Variants in CES5A observed in about 807,000 individuals in gnomAD.
CES5A encodes the protein carboxylesterase 5A.
A neutral mutation model predicts 62.9 loss-of-function variants in CES5A; 67 were observed. The observed-to-expected ratio is 1.07, with a 90% CI of 0.88 to 1.31. The LOEUF is 1.31. Among genes scored for constraint, CES5A ranks in the 50% most tolerant of loss-of-function variants. The pLI is 0.00. For missense variants in CES5A, 748 were observed against 708.5 expected, an observed-to-expected ratio of 1.06 and a Z score of -0.63; for synonymous variants, 296 against 280.8, an observed-to-expected ratio of 1.05 and a Z score of -0.54.
At chr16:55,899,897 T>C (rs190795097) in intron 1 of CES5A, among the ~76,000 whole-genome samples, 6 of 152,308 alleles carry the variant, frequency 3.9e-5, no homozygotes, top group Non-Finnish European at 1.5e-5. Context: ...AAACACCCAG[T>C]GATTTCCCAT....
At chr16:55,875,080 T>A in intron 1 of CES5A, 69 bp downstream of exon 1, 1 of 1,467,046 alleles carries the variant, frequency 6.8e-7, no homozygotes, top group Non-Finnish European at 9.6e-7. Context: ...AATAACTTCA[T>A]TTCTACCAGT....
chr16:55,904,290 T>A (rs566944379), intron 1 of CES5A, among the ~76,000 whole-genome samples: 2 of 152,364 alleles, frequency 1.3e-5, no homozygotes, highest in African/African-American at 4.8e-5. Flanking sequence ...AAATGAAATA[T>A]AATTGTGCTT....
At position 55,870,756 on chromosome 16, in the gene CES5A, TA is replaced by T. The variant is rs2033566635; in HGVS notation, c.417+868del. On this transcript the variant is annotated intron_variant, in intron 3 of 12. Coordinates refer to ENST00000290567, the MANE Select transcript of CES5A (RefSeq NM_001143685.2). ...TTAGAAAAATTGGGATCAGGGAACA[TA>T]AAACATTCAAATGGCATTATCTTTA... Among the ~76,000 whole-genome samples, 4 of 152,018 alleles carry T rather than the reference TA, an allele frequency of 2.6e-5. No individual in the cohort carries two copies. In the South Asian group the frequency reaches 8.3e-4, roughly 32 times the overall value.
At chr16:55,927,204 G>C (rs796171028), upstream of CES5A, among the ~76,000 whole-genome samples, 5 of 152,212 alleles carry the variant, frequency 3.3e-5, no homozygotes, top group African/African-American at 1.2e-4. Flanking sequence ...CATTGACCCA[G>C]GCAAAGAATT....
intron 1 of CES5A, among the ~76,000 whole-genome samples, chr16:55,920,021 C>T (rs75285469): frequency 0.019 from 2,860 of 152,286 alleles, 93 homozygotes; most frequent in African/African-American, 0.064. Context: ...GTTTCACATA[C>T]TTCCACCACC....
chr16:55,932,261 C>A lies in CES5A; in HGVS notation c.160+17524G>T, dbSNP rs146293487. On this transcript the variant is annotated intron_variant, in intron 2 of 13. Coordinates refer to the CES5A transcript ENST00000521992. Reference sequence around the variant, plus strand: ...GAGAGTCTCCACCAGCAAGAAGGCCCTCACCAGATGCAACCCCTTGATTTT... The same window carrying A: ...GAGAGTCTCCACCAGCAAGAAGGCCATCACCAGATGCAACCCCTTGATTTT... Among the ~76,000 whole-genome samples, 370 of 152,272 alleles carry A rather than the reference C, an allele frequency of 2.4e-3. 2 individuals are homozygous for A. Among genetic ancestry groups the A allele is most frequent in the African/African-American group, 8.3e-3 (344 of 41,548 alleles).
At chr16:55,864,747 T>C (rs1361803463) in intron 5 of CES5A, among the ~76,000 whole-genome samples, 1 of 150,810 alleles carries the variant, frequency 6.6e-6, no homozygotes, top group Admixed American at 6.6e-5. Flanking sequence ...TTTTAAAAAA[T>C]AAAAAAAAAG....
chr16:55,941,474 A>G (rs551960464), intron 2 of CES5A, among the ~76,000 whole-genome samples: 2 of 152,246 alleles, frequency 1.3e-5, no homozygotes, highest in African/African-American at 4.8e-5. Context: ...GAAGACCTCA[A>G]TAAATGGAAA....
At chr16:55,848,816 A>G (rs2033069930) in intron 11 of CES5A, among the ~76,000 whole-genome samples, 1 of 152,242 alleles carries the variant, frequency 6.6e-6, no homozygotes, top group Non-Finnish European at 1.5e-5. Context: ...GAGAAATAAC[A>G]GTGACGTTTA....
chr16:55,946,028 T>C (rs1192222979), intron 2 of CES5A, among the ~76,000 whole-genome samples: 1 of 152,204 alleles, frequency 6.6e-6, no homozygotes, highest in Non-Finnish European at 1.5e-5. Flanking sequence ...GGTAAAGCTA[T>C]TTAAATAATG....
chr16:55,861,970 T>G (rs1238799320), intron 6 of CES5A, among the ~76,000 whole-genome samples: 1 of 152,114 alleles, frequency 6.6e-6, no homozygotes, highest in African/African-American at 2.4e-5. Context: ...GATCAGATTC[T>G]CAGCTTGTCA....
intron 6 of CES5A, among the ~76,000 whole-genome samples, chr16:55,862,360 G>A (rs1275536475): frequency 2.0e-5 from 3 of 152,140 alleles, no homozygotes; most frequent in Admixed American, 6.5e-5. Context: ...TTGTGGAACC[G>A]CTTCCCAAAC....
intron 2 of CES5A, among the ~76,000 whole-genome samples, chr16:55,930,847 T>C (rs574088431): frequency 2.6e-4 from 40 of 152,198 alleles, no homozygotes; most frequent in Non-Finnish European, 7.3e-5. Flanking sequence ...CACATAGTAT[T>C]CCTTCTCCCT....
chr16:55,865,311 C>T (rs2033433925), intron 5 of CES5A, among the ~76,000 whole-genome samples: 2 of 152,140 alleles, frequency 1.3e-5, no homozygotes, highest in Non-Finnish European at 2.9e-5. Flanking sequence ...ATAAACATCT[C>T]TCTATTTATA....
intron 1 of CES5A, among the ~76,000 whole-genome samples, chr16:55,914,773 C>T (rs2034129246): frequency 6.6e-6 from 1 of 152,158 alleles, no homozygotes; most frequent in South Asian, 2.1e-4. Flanking sequence ...GGATCCTGGC[C>T]TGGATCCTGG....
chr16:55,919,514 C>T lies in CES5A; in HGVS notation c.-256+5809G>A, dbSNP rs560533331. On this transcript the variant is annotated intron_variant, in intron 1 of 12. Transcript: ENST00000518005. ...GGAAGTATGGACTCTTTTGCTCCTACGACTCTCAGCCCAGAACCCTGCACC... is the reference window on the plus strand; with the variant it reads ...GGAAGTATGGACTCTTTTGCTCCTATGACTCTCAGCCCAGAACCCTGCACC... Among the ~76,000 whole-genome samples, 73 of 152,276 alleles carry T rather than the reference C, an allele frequency of 4.8e-4. 1 individual carries two copies. The South Asian group carries it at 5.0e-3, about 10-fold the overall frequency.
intron 1 of CES5A, among the ~76,000 whole-genome samples, chr16:55,884,403 C>T (rs1265216309): frequency 6.6e-6 from 1 of 152,214 alleles, no homozygotes; most frequent in Non-Finnish European, 1.5e-5. Context: ...ATCCTCTGGC[C>T]TTGGTGATCA....
chr16:55,846,563 CA>C lies in CES5A; in HGVS notation c.1615del (p.Trp539GlyfsTer7), dbSNP rs779469867. 6.2e-7 allele frequency: 1 copy of C among 1,614,108 alleles called. No homozygotes were observed. The highest frequency in any genetic ancestry group is 8.5e-7 in the Non-Finnish European group (1 of 1,180,008). On this transcript the variant is annotated frameshift_variant, in exon 13 of 13. Transcript: ENST00000290567. LOFTEE classifies it low-confidence loss of function (END_TRUNC). ...QRLKEPRVDF[W>X]TSTIPLILSA... is the part of the protein sequence containing the mutation. ...CAGGATCAGGGGGATGGTGCTGGTCCAAAAATCCACCCGCGGTTCTTTGAGT... is the reference window on the plus strand; with the variant it reads ...CAGGATCAGGGGGATGGTGCTGGTCCAAAATCCACCCGCGGTTCTTTGAGT...
chr16:55,906,180 C>G (rs55745132), intron 1 of CES5A, among the ~76,000 whole-genome samples: 22,473 of 152,176 alleles, frequency 0.15, 1,726 homozygotes, highest in South Asian at 0.17. Context: ...GCACACATTC[C>G]CTGGTAACCA....
Sources: allele counts gnomAD v4.1 joint callset (sites outside exome capture counted in the v4.1 genomes callset), GRCh38; gene constraint gnomAD v4.1.1; transcripts MANE v1.5; gene names NCBI Gene and HGNC (gene_info 2026-07-23, HGNC 2026-07-21).